Variants in ANKFN1 observed in about 807,000 individuals in gnomAD.
ANKFN1 encodes the protein ankyrin repeat and fibronectin type III domain containing 1, also known as ankyrin repeat and fibronectin type-III domain-containing protein 1.
ANKFN1 carries 74 observed loss-of-function variants against 108.7 expected under a neutral mutation model. That is an observed-to-expected ratio of 0.68 (90% confidence interval 0.56 to 0.83). The LOEUF (loss-of-function observed/expected upper bound fraction) is 0.83, where lower values mean the gene tolerates loss of function less well. ANKFN1 is among the 40% of genes least tolerant of loss of function. The pLI, the probability that ANKFN1 is intolerant of heterozygous loss-of-function variation, is 0.00. For missense variants in ANKFN1, 1,505 were observed against 1,382.3 expected (o/e 1.09, Z -1.41); for synonymous variants, 547 against 516.2 (o/e 1.06, Z -0.81).
chr17:56,350,493 G>A (rs2046216871), intron 4 of ANKFN1, among the ~76,000 whole-genome samples: 1 of 152,148 alleles, frequency 6.6e-6, no homozygotes, highest in South Asian at 2.1e-4. Flanking sequence ...ATATATGTCT[G>A]TATGTGAATG....
intron 3 of ANKFN1, among the ~76,000 whole-genome samples, chr17:56,294,374 C>T (rs376739158): frequency 6.4e-4 from 97 of 152,260 alleles, no homozygotes; most frequent in African/African-American, 1.9e-3. Flanking sequence ...AGCCAGGAGC[C>T]GACTTCAAGA....
rs1912908432 is a variant in ANKFN1 at position 56,191,407 on chromosome 17, T to C, written c.-70-21191T>C. The stretch of plus-strand genomic sequence containing the variant: ...TTCAGGAGCTATTTTAGGGCAGGCC[T>C]GATGGTGACAAAATCGGTCAGCATT... On this transcript the variant is annotated intron_variant, in intron 1 of 20. Coordinates refer to ENST00000682825, the MANE Select transcript of ANKFN1 (RefSeq NM_001370326.1). 3.3e-5 allele frequency among the ~76,000 whole-genome samples: 2 copies of C among 61,390 alleles called. 1 individual carries two copies. The highest frequency in any genetic ancestry group is 5.2e-5 in the Non-Finnish European group (2 of 38,244). 40.3% of individuals were successfully genotyped at this position (61,390 alleles called of 152,430 possible). A position where few individuals can be genotyped will look rare whatever the true frequency, so the allele number is the denominator to read the frequency against.
At chr17:56,127,833 A>G (rs1167615860) in intron 4 of ANKFN1, among the ~76,000 whole-genome samples, 1 of 152,244 alleles carries the variant, frequency 6.6e-6, no homozygotes, top group Non-Finnish European at 1.5e-5. Context: ...GGAGAAAGGA[A>G]GAACTGGGGG....
At chr17:56,082,590 T>A (rs1905261917) in intron 4 of ANKFN1, among the ~76,000 whole-genome samples, 1 of 152,216 alleles carries the variant, frequency 6.6e-6, no homozygotes, top group Non-Finnish European at 1.5e-5. Context: ...AGCCCAGGAA[T>A]TTCTAGGTCT....
intron 1 of ANKFN1, among the ~76,000 whole-genome samples, chr17:56,209,759 G>C (rs1378671595): frequency 6.6e-6 from 1 of 152,096 alleles, no homozygotes; most frequent in East Asian, 1.9e-4. Flanking sequence ...AGATTTTGGT[G>C]CACCATCAGC....
At chr17:56,454,604 G>T (rs935526691) in intron 11 of ANKFN1, among the ~76,000 whole-genome samples, 4 of 152,304 alleles carry the variant, frequency 2.6e-5, no homozygotes, top group Non-Finnish European at 4.4e-5. Flanking sequence ...TCATTGTAGG[G>T]TGACCTGGCA....
chr17:56,387,551 A>G (rs936405993), intron 8 of ANKFN1, among the ~76,000 whole-genome samples: 1 of 152,214 alleles, frequency 6.6e-6, no homozygotes, highest in African/African-American at 2.4e-5. Context: ...TGGGAATTTA[A>G]CATTCTTACT....
upstream of ANKFN1, among the ~76,000 whole-genome samples, chr17:56,149,173 T>C (rs1908448623): frequency 6.6e-6 from 1 of 152,084 alleles, no homozygotes; most frequent in Non-Finnish European, 1.5e-5. Flanking sequence ...TGTTTGTGTA[T>C]TTTAATTTGA....
rs1381897394 is a variant in ANKFN1, at chr17:56,514,548, C to T, written c.*3279C>T. Among the ~76,000 whole-genome samples, 4 of 152,082 alleles carry T rather than the reference C, an allele frequency of 2.6e-5. No homozygotes were observed. Among genetic ancestry groups the T allele is most frequent in the East Asian group, 1.9e-4 (1 of 5,194 alleles). ...AAAGCTAAAACATCCTCTTAATTGG[C>T]GAGGGTGCCTGGGAGACAGTAATTA... On this transcript the variant is annotated 3_prime_UTR_variant, in exon 21 of 21. Coordinates refer to ENST00000682825, the MANE Select transcript of ANKFN1 (RefSeq NM_001370326.1).
chr17:56,218,712 C>G (rs756290892), intron 2 of ANKFN1, among the ~76,000 whole-genome samples: 4 of 152,108 alleles, frequency 2.6e-5, no homozygotes, highest in Admixed American at 1.3e-4. Context: ...CCCTCAAATT[C>G]CCTTGGAATA....
chr17:56,155,856 G>A (rs137929723), intron 1 of ANKFN1, among the ~76,000 whole-genome samples: 370 of 152,252 alleles, frequency 2.4e-3, no homozygotes, highest in Non-Finnish European at 4.5e-3. Context: ...CAGCAAATGC[G>A]CAGAGGATAG....
chr17:56,065,823 G>C (rs1905051384), intron 4 of ANKFN1, among the ~76,000 whole-genome samples: 1 of 152,160 alleles, frequency 6.6e-6, no homozygotes, highest in South Asian at 2.1e-4. Context: ...TAACGAAAAA[G>C]TTTGAAATAT....
chr17:56,477,531 C>T lies in ANKFN1; in HGVS notation c.1817C>T (p.Pro606Leu). 6.2e-7 allele frequency: 1 copy of T among 1,610,828 alleles called. No homozygotes were observed. The highest frequency in any genetic ancestry group is 8.5e-7 in the Non-Finnish European group (1 of 1,178,930). Residue 606 changes from proline to leucine, a missense_variant, in exon 16 of 21, where the codon CCT becomes CTT. Coordinates refer to ENST00000682825, the MANE Select transcript of ANKFN1 (RefSeq NM_001370326.1). ...YHKRSHQRLF[P>L]GLYLGYLKLC... ...AAAAGGAGTCATCAGCGTCTCTTTC[C>T]TGGATTATATCTGGGTTACCTAAAG...
At chr17:56,188,313 C>A (rs1441277670) in intron 1 of ANKFN1, among the ~76,000 whole-genome samples, 1 of 151,548 alleles carries the variant, frequency 6.6e-6, no homozygotes, top group Non-Finnish European at 1.5e-5. Context: ...AGTCTAAAAT[C>A]AAAATGTCAT....
chr17:56,369,951 G>T (rs2046765366), intron 6 of ANKFN1, among the ~76,000 whole-genome samples: 1 of 152,034 alleles, frequency 6.6e-6, no homozygotes, highest in African/African-American at 2.4e-5. Flanking sequence ...TTCAATTTTT[G>T]AAAACACTTT....
At chr17:56,079,864 G>T (rs1341468873) in intron 4 of ANKFN1, among the ~76,000 whole-genome samples, 7 of 152,174 alleles carry the variant, frequency 4.6e-5, no homozygotes. Context: ...TTTAACCTCT[G>T]TAAGGTGGGA....
At chr17:56,166,677 C>T (rs1188362984) in intron 1 of ANKFN1, among the ~76,000 whole-genome samples, 1 of 152,134 alleles carries the variant, frequency 6.6e-6, no homozygotes, top group Non-Finnish European at 1.5e-5. Context: ...CAGTCAAAAT[C>T]TGACCCACCC....
intron 1 of ANKFN1, among the ~76,000 whole-genome samples, chr17:56,196,012 G>A (rs895087632): frequency 1.3e-5 from 2 of 152,134 alleles, no homozygotes; most frequent in Non-Finnish European, 2.9e-5. Context: ...GAAGTTATGG[G>A]CCTTCTCACC....
intron 20 of ANKFN1, among the ~76,000 whole-genome samples, chr17:56,506,505 C>G (rs1677618620): frequency 6.6e-6 from 1 of 152,008 alleles, no homozygotes; most frequent in Non-Finnish European, 1.5e-5. Context: ...GTATTCTCCC[C>G]CTAGAACCTC....
Sources: gnomAD v4.1 joint callset for allele counts (sites outside exome capture counted in the v4.1 genomes callset) on GRCh38, gnomAD v4.1.1 for gene constraint, MANE v1.5 for transcripts, NCBI Gene and HGNC (gene_info 2026-07-23, HGNC 2026-07-21) for gene names.